The following CFDP1 variants were observed in gnomAD, a reference collection of about 807,000 sequenced individuals.
The protein encoded by CFDP1 is chromatin remodeling protein CFDP1, also known as heterochromatin-stabilizing protein CFDP1.
CFDP1 carries 31 observed loss-of-function variants against 40.1 expected under a neutral mutation model. The ratio of observed to expected loss-of-function variants is 0.77; its 90% CI spans 0.58 to 1.04. The LOEUF is 1.04. Among genes scored for constraint, CFDP1 ranks in the 50% least tolerant of loss-of-function variants. CFDP1 has a pLI of 0.00. For synonymous variants in CFDP1, 167 were observed against 120.0 expected (o/e 1.39, Z -2.56); for missense variants, 423 against 343.4 (o/e 1.23, Z -1.83).
intron 5 of CFDP1, among the ~76,000 whole-genome samples, chr16:75,380,306 A>T (rs1276094451): frequency 1.3e-5 from 2 of 152,090 alleles, no homozygotes; most frequent in African/African-American, 2.4e-5. Context: ...AGCTAAACTC[A>T]TAAGAAAGAA....
chr16:75,417,139 C>T (rs2079215960), intron 1 of CFDP1, among the ~76,000 whole-genome samples: 1 of 152,028 alleles, frequency 6.6e-6, no homozygotes, highest in Non-Finnish European at 1.5e-5. Flanking sequence ...CTACTGCATT[C>T]CAGCCTGGGT....
intron 5 of CFDP1, among the ~76,000 whole-genome samples, chr16:75,333,284 T>C (rs2078461152): frequency 6.6e-6 from 1 of 151,936 alleles, no homozygotes; most frequent in Admixed American, 6.6e-5. Flanking sequence ...CCGCCACGCC[T>C]GGCTAATTTT....
intron 5 of CFDP1, among the ~76,000 whole-genome samples, chr16:75,377,621 A>C (rs1900000090): frequency 2.0e-5 from 3 of 152,248 alleles, no homozygotes. Flanking sequence ...GTGTTCAAGT[A>C]CAATCTAGTC....
chr16:75,431,210 G>C (rs768796952), intron 1 of CFDP1, among the ~76,000 whole-genome samples: 4 of 151,618 alleles, frequency 2.6e-5, no homozygotes, highest in Non-Finnish European at 5.9e-5. Flanking sequence ...CCAGCACTCA[G>C]GGAGGCCGAG....
chr16:75,414,456 C>T (rs2079187311), intron 2 of CFDP1, 122 bp downstream of exon 2: 3 of 659,866 alleles, frequency 4.5e-6, no homozygotes, highest in Non-Finnish European at 5.5e-6. Flanking sequence ...GCAAATGTTT[C>T]CCTCAAAGAG....
chr16:75,386,579 G>A (rs2078899479), intron 5 of CFDP1, among the ~76,000 whole-genome samples: 2 of 152,140 alleles, frequency 1.3e-5, no homozygotes, highest in Admixed American at 1.3e-4. Flanking sequence ...ACAAAAATTA[G>A]CCGGGCGTGG....
At chr16:75,340,824 G>A (rs917487301) in intron 5 of CFDP1, among the ~76,000 whole-genome samples, 2 of 152,058 alleles carry the variant, frequency 1.3e-5, no homozygotes. Flanking sequence ...TTAAGGATGA[G>A]GTCAATGCGA....
At chr16:75,304,718 G>A (rs2078245829) in intron 6 of CFDP1, among the ~76,000 whole-genome samples, 1 of 152,232 alleles carries the variant, frequency 6.6e-6, no homozygotes, top group Non-Finnish European at 1.5e-5. Context: ...CCACAGGCCA[G>A]ATCCAACCAC....
intron 5 of CFDP1, among the ~76,000 whole-genome samples, chr16:75,362,545 T>A (rs1421353820): frequency 6.6e-6 from 1 of 152,214 alleles, no homozygotes; most frequent in Non-Finnish European, 1.5e-5. Context: ...GAAAATATGC[T>A]CACCATGGCT....
chr16:75,327,908 T>G (rs1258549147), intron 5 of CFDP1, among the ~76,000 whole-genome samples: 1 of 152,074 alleles, frequency 6.6e-6, no homozygotes, highest in African/African-American at 2.4e-5. Context: ...GCGTGTATTT[T>G]TAGTAGAGAT....
In CFDP1 at chr16:75,367,822, A is replaced by G. The variant is rs937974549; in HGVS notation, c.650+27268T>C. ...AAAAAAAAAAAAAAACTTAACAGCC[A>G]GACCGGATATGGTGGCTCACGCCTG... On this transcript the variant is annotated intron_variant, in intron 5 of 6. Coordinates refer to ENST00000283882, the MANE Select transcript of CFDP1 (RefSeq NM_006324.3). 5.1e-4 allele frequency among the ~76,000 whole-genome samples: 76 copies of G among 149,958 alleles called. 1 individual carries two copies. The highest frequency in any genetic ancestry group is 2.1e-4 in the Non-Finnish European group (14 of 67,620).
chr16:75,373,981 G>A (rs146315940), intron 5 of CFDP1, among the ~76,000 whole-genome samples: 10 of 152,206 alleles, frequency 6.6e-5, no homozygotes, highest in Non-Finnish European at 1.2e-4. Context: ...GGCCAGGCAC[G>A]GTGGCTCACA....
chr16:75,376,320 T>C (rs1194780733), intron 5 of CFDP1, among the ~76,000 whole-genome samples: 1 of 152,144 alleles, frequency 6.6e-6, no homozygotes, highest in Non-Finnish European at 1.5e-5. Flanking sequence ...AAAACATATG[T>C]CTTCAAAAAG....
At chr16:75,372,723 T>C (rs1442423769) in intron 5 of CFDP1, among the ~76,000 whole-genome samples, 3 of 152,206 alleles carry the variant, frequency 2.0e-5, no homozygotes, top group Non-Finnish European at 2.9e-5. Context: ...AAAACCATCA[T>C]CTTTTGGCAA....
intron 5 of CFDP1, among the ~76,000 whole-genome samples, chr16:75,362,126 A>T (rs1397981229): frequency 1.3e-5 from 2 of 152,240 alleles, no homozygotes; most frequent in African/African-American, 2.4e-5. Context: ...ATTGGGTAAT[A>T]AGTCAGACGG....
intron 6 of CFDP1, among the ~76,000 whole-genome samples, chr16:75,298,992 C>G (rs145090710): frequency 6.6e-6 from 1 of 152,326 alleles, no homozygotes; most frequent in East Asian, 1.9e-4. Context: ...TGTTTCTCTT[C>G]TCTATGCATG....
At chr16:75,417,538 A>G (rs982547400) in intron 1 of CFDP1, among the ~76,000 whole-genome samples, 1 of 152,220 alleles carries the variant, frequency 6.6e-6, no homozygotes, top group African/African-American at 2.4e-5. Context: ...GAATATGCTT[A>G]TATTTGTTTG....
chr16:75,361,105 G>A (rs986241932), intron 5 of CFDP1, among the ~76,000 whole-genome samples: 1 of 152,088 alleles, frequency 6.6e-6, no homozygotes, highest in Non-Finnish European at 1.5e-5. Context: ...CACCTCCTGG[G>A]TTCAAGTGAT....
intron 5 of CFDP1, among the ~76,000 whole-genome samples, chr16:75,332,799 TTTTTTTTTTTTTCC>T: frequency 6.9e-6 from 1 of 144,420 alleles, no homozygotes; most frequent in African/African-American, 2.5e-5. Context: ...ATTCATGTTC[TTTTTTTTTTTTTCC>T]TTTTTTTTTT....
Sources: allele counts gnomAD v4.1 joint callset (sites outside exome capture counted in the v4.1 genomes callset), GRCh38; gene constraint gnomAD v4.1.1; transcripts MANE v1.5; gene names NCBI Gene and HGNC (gene_info 2026-07-23, HGNC 2026-07-21).